Variants in SYN3 observed in about 807,000 individuals in gnomAD.
SYN3 encodes synapsin III, also known as synapsin-3.
In SYN3, 35 loss-of-function variants were observed where a neutral mutation model predicts 65.8. The ratio of observed to expected loss-of-function variants is 0.53; its 90% CI spans 0.41 to 0.70. The LOEUF (loss-of-function observed/expected upper bound fraction) is 0.70, where lower values mean the gene tolerates loss of function less well. Among genes scored for constraint, SYN3 ranks in the 30% least tolerant of loss-of-function variants. The pLI is 0.00. For synonymous variants in SYN3, 270 were observed against 292.9 expected, an observed-to-expected ratio of 0.92 and a Z score of 0.80; for missense variants, 680 against 749.0, an observed-to-expected ratio of 0.91 and a Z score of 1.08.
At chr22:32,916,787 C>T (rs1325460774) in intron 4 of SYN3, among the ~76,000 whole-genome samples, 3 of 152,148 alleles carry the variant, frequency 2.0e-5, no homozygotes, top group East Asian at 1.9e-4. Context: ...ATTCACATCA[C>T]GAAAGGTTTG....
chr22:32,765,838 C>T (rs4820094), intron 6 of SYN3, among the ~76,000 whole-genome samples: 46,915 of 151,922 alleles, frequency 0.31, 8,026 homozygotes, highest in East Asian at 0.52. Flanking sequence ...ATGTGTCAAA[C>T]TCAGGCTGTG....
chr22:32,663,209 T>C (rs2060239585), intron 6 of SYN3, among the ~76,000 whole-genome samples: 1 of 152,164 alleles, frequency 6.6e-6, no homozygotes, highest in Non-Finnish European at 1.5e-5. Context: ...GCTGCCGCCA[T>C]GTAAGACGTG....
chr22:33,016,199 A>AT lies in SYN3; in HGVS notation c.-162-9376dup, dbSNP rs1163193877. ...TCTTAACTTTTGAAAGGAATCCCTT[A>AT]TTTTTTTCCCCAGTTTGGTACATTA... is the stretch of plus-strand genomic sequence containing the variant. On this transcript the variant is annotated intron_variant, in intron 1 of 13. Transcript: ENST00000358763. 4.6e-5 allele frequency among the ~76,000 whole-genome samples: 7 copies of AT among 152,166 alleles called. 1 individual carries two copies. Among genetic ancestry groups the AT allele is most frequent in the East Asian group, 3.9e-4 (2 of 5,180 alleles).
chr22:33,006,261 T>C, intron 2 of SYN3, 91 bp downstream of exon 2: 9 of 1,427,434 alleles, frequency 6.3e-6, no homozygotes, highest in Middle Eastern at 1.9e-4. Flanking sequence ...AAGCCTCTCA[T>C]AGCTCTCCCC....
chr22:32,858,105 G>C, intron 6 of SYN3: 1 of 1,614,214 alleles, frequency 6.2e-7, no homozygotes, highest in Non-Finnish European at 8.5e-7. Context: ...GCAAGGGGCT[G>C]AACTATCGGT....
At chr22:32,722,353 G>A (rs772082561) in intron 6 of SYN3, among the ~76,000 whole-genome samples, 24 of 152,056 alleles carry the variant, frequency 1.6e-4, no homozygotes, top group Non-Finnish European at 3.1e-4. Context: ...CAGCAGAGTC[G>A]GGAAAAAATT....
intron 5 of SYN3, among the ~76,000 whole-genome samples, chr22:32,868,756 A>C (rs1002018780): frequency 6.6e-6 from 1 of 152,008 alleles, no homozygotes; most frequent in African/African-American, 2.4e-5. Flanking sequence ...CGGCCTATAA[A>C]TATTTACCAT....
intron 3 of SYN3, among the ~76,000 whole-genome samples, chr22:32,943,945 C>G (rs564270980): frequency 2.0e-5 from 3 of 152,278 alleles, no homozygotes; most frequent in East Asian, 3.9e-4. Context: ...CAGATTCATA[C>G]AGCAAGTCCT....
intron 4 of SYN3, among the ~76,000 whole-genome samples, chr22:32,894,274 A>T (rs2049530408): frequency 6.6e-6 from 1 of 152,232 alleles, no homozygotes. Flanking sequence ...ATATTATAGA[A>T]GAAGAAAACA....
chr22:32,842,181 C>G (rs771500297), intron 6 of SYN3, among the ~76,000 whole-genome samples: 1 of 152,176 alleles, frequency 6.6e-6, no homozygotes, highest in African/African-American at 2.4e-5. Context: ...CCAGACCCCA[C>G]GTGCTCCATG....
At chr22:32,563,133 A>C (rs953373764) in intron 7 of SYN3, among the ~76,000 whole-genome samples, 2 of 152,330 alleles carry the variant, frequency 1.3e-5, no homozygotes, top group South Asian at 2.1e-4. Flanking sequence ...CACTCCTTCA[A>C]CTGTACGCTG....
intron 7 of SYN3, among the ~76,000 whole-genome samples, chr22:32,565,800 C>T (rs897225401): frequency 6.6e-6 from 1 of 152,028 alleles, no homozygotes; most frequent in Non-Finnish European, 1.5e-5. Flanking sequence ...CAAGCTCCGC[C>T]TCCCAGGTTC....
At chr22:33,008,364 C>A (rs1289910106) in intron 1 of SYN3, among the ~76,000 whole-genome samples, 1 of 152,148 alleles carries the variant, frequency 6.6e-6, no homozygotes, top group Non-Finnish European at 1.5e-5. Context: ...TCAGAAAGTT[C>A]TTTTGTACCC....
At chr22:32,882,814 T>C (rs1395784371) in intron 4 of SYN3, among the ~76,000 whole-genome samples, 1 of 152,138 alleles carries the variant, frequency 6.6e-6, no homozygotes, top group Non-Finnish European at 1.5e-5. Flanking sequence ...ATTCCGAACT[T>C]TGCAATATGT....
chr22:32,630,847 TA>T (rs1379001675), intron 6 of SYN3, among the ~76,000 whole-genome samples: 1 of 152,208 alleles, frequency 6.6e-6, no homozygotes, highest in Non-Finnish European at 1.5e-5. Flanking sequence ...CCTACTGTTC[TA>T]TGAGAAGCCA....
intron 3 of SYN3, among the ~76,000 whole-genome samples, chr22:32,964,619 T>C (rs1344674880): frequency 1.3e-5 from 2 of 152,098 alleles, no homozygotes; most frequent in African/African-American, 4.8e-5. Flanking sequence ...CAATGACCTA[T>C]TCAACTTTGC....
At chr22:32,903,229 T>A (rs144371410) in intron 4 of SYN3, among the ~76,000 whole-genome samples, 1 of 152,330 alleles carries the variant, frequency 6.6e-6, no homozygotes, top group African/African-American at 2.4e-5. Context: ...AAAATTGCTA[T>A]AATTATCTCT....
intron 7 of SYN3, among the ~76,000 whole-genome samples, chr22:32,587,779 T>A (rs181984685): frequency 5.3e-5 from 8 of 152,244 alleles, no homozygotes; most frequent in Middle Eastern, 3.4e-3. Context: ...GGAGCGGCCC[T>A]CTCATCACCC....
At chr22:32,675,628 G>A (rs2060429660) in intron 6 of SYN3, among the ~76,000 whole-genome samples, 1 of 152,176 alleles carries the variant, frequency 6.6e-6, no homozygotes, top group Admixed American at 6.5e-5. Context: ...AGAGAGATGA[G>A]TCACTGCTCT....
Sources: allele counts gnomAD v4.1 joint callset (sites outside exome capture counted in the v4.1 genomes callset), GRCh38; gene constraint gnomAD v4.1.1; transcripts MANE v1.5; gene names NCBI Gene and HGNC (gene_info 2026-07-23, HGNC 2026-07-21).